Variants in SLCO1B1 observed in about 807,000 individuals in gnomAD.
SLCO1B1 encodes the protein OATP-2.
A neutral mutation model predicts 70.1 loss-of-function variants in SLCO1B1; 81 were observed. The ratio of observed to expected loss-of-function variants is 1.16; its 90% CI spans 0.97 to 1.39. The LOEUF (loss-of-function observed/expected upper bound fraction) is 1.39. Among genes scored for constraint, SLCO1B1 ranks in the 40% most tolerant of loss-of-function variants. The probability of loss-of-function intolerance (pLI) is 0.00; values close to 1 mark genes in which losing one functional copy is unlikely to be tolerated. For missense variants in SLCO1B1, 895 were observed against 799.6 expected (o/e 1.12, Z -1.44); for synonymous variants, 283 against 271.5 (o/e 1.04, Z -0.42).
chr12:21,184,254 C>G (rs1299861550), intron 7 of SLCO1B1, among the ~76,000 whole-genome samples: 1 of 152,022 alleles, frequency 6.6e-6, no homozygotes, highest in Admixed American at 6.6e-5. Context: ...ACAGAGAACC[C>G]CTTTGAGATG....
At chr12:21,181,751 G>T (rs543220125) in intron 7 of SLCO1B1, among the ~76,000 whole-genome samples, 43 of 152,060 alleles carry the variant, frequency 2.8e-4, no homozygotes, top group Non-Finnish European at 5.6e-4. Flanking sequence ...TTTAAATTAT[G>T]CTCGTCCACT....
At chr12:21,157,596 TA>T (rs1301005157) in intron 2 of SLCO1B1, among the ~76,000 whole-genome samples, 5 of 145,320 alleles carry the variant, frequency 3.4e-5, no homozygotes, top group African/African-American at 1.3e-4. Flanking sequence ...ATTAAGACTG[TA>T]AAATTTTTTT....
intron 14 of SLCO1B1, among the ~76,000 whole-genome samples, chr12:21,228,423 C>G (rs1374087391): frequency 6.6e-6 from 1 of 152,128 alleles, no homozygotes; most frequent in East Asian, 1.9e-4. Flanking sequence ...TGTCTGTTTT[C>G]TTGTTCCTTT....
chr12:21,149,036 G>T (rs1940430341), intron 2 of SLCO1B1, among the ~76,000 whole-genome samples: 1 of 152,014 alleles, frequency 6.6e-6, no homozygotes, highest in South Asian at 2.1e-4. Flanking sequence ...TCTATTATTG[G>T]TGTATAGGAA....
At chr12:21,220,045 G>C (rs1405942066) in intron 12 of SLCO1B1, among the ~76,000 whole-genome samples, 2 of 152,198 alleles carry the variant, frequency 1.3e-5, no homozygotes, top group African/African-American at 2.4e-5. Context: ...ACAGGCCTGA[G>C]CCACAGCACC....
At chr12:21,155,569 C>T (rs1940532185) in intron 2 of SLCO1B1, among the ~76,000 whole-genome samples, 1 of 152,068 alleles carries the variant, frequency 6.6e-6, no homozygotes, top group African/African-American at 2.4e-5. Context: ...CACTATTTTG[C>T]CCTGAAGTCA....
chr12:21,209,458 C>T (rs11519272), intron 11 of SLCO1B1, among the ~76,000 whole-genome samples: 5 of 151,882 alleles, frequency 3.3e-5, no homozygotes, highest in African/African-American at 9.7e-5. Context: ...CAGTCTATCA[C>T]TGTTGGACAT....
At chr12:21,182,883 A>C (rs909521937) in intron 7 of SLCO1B1, among the ~76,000 whole-genome samples, 1 of 152,160 alleles carries the variant, frequency 6.6e-6, no homozygotes, top group Non-Finnish European at 1.5e-5. Flanking sequence ...GACATGCCTC[A>C]TTTCATAGGC....
chr12:21,230,191 C>A (rs890672477), intron 14 of SLCO1B1, among the ~76,000 whole-genome samples: 4 of 151,994 alleles, frequency 2.6e-5, no homozygotes, highest in African/African-American at 4.8e-5. Flanking sequence ...GAATGTTGAA[C>A]CAGTCTTGGA....
At chr12:21,187,484 T>G (rs1940976247) in intron 7 of SLCO1B1, among the ~76,000 whole-genome samples, 1 of 152,112 alleles carries the variant, frequency 6.6e-6, no homozygotes, top group African/African-American at 2.4e-5. Context: ...TGTAGTGATC[T>G]ATTTCTTCCA....
At chr12:21,186,886 T>C (rs1385969612) in intron 7 of SLCO1B1, among the ~76,000 whole-genome samples, 1 of 152,144 alleles carries the variant, frequency 6.6e-6, no homozygotes, top group Middle Eastern at 3.4e-3. Context: ...CAAAGGAAGG[T>C]GAGGGATCTA....
Position 21,172,658 on chromosome 12 carries a change from G to A in SLCO1B1, c.93G>A (p.Leu31=). The A allele has an allele frequency of 6.2e-7, 1 of 1,613,612 alleles. No individual in the cohort carries two copies. The highest frequency in any genetic ancestry group is 8.5e-7 in the Non-Finnish European group (1 of 1,179,864). Residue 31 remains leucine (L), a synonymous_variant, in exon 3 of 15, where the codon TTG becomes TTA. Transcript: ENST00000256958. ...CTTCTGATTTTTCTTAGATGTTCTT[G>A]GCAGCTCTGTCACTCAGCTTTATTG... is the stretch of plus-strand genomic sequence containing the variant. ...TRYCNGLKMF[L]AALSLSFIAK... is the part of the protein sequence containing the mutation.
chr12:21,168,944 T>G (rs1039735355), intron 2 of SLCO1B1, among the ~76,000 whole-genome samples: 1 of 152,104 alleles, frequency 6.6e-6, no homozygotes, highest in East Asian at 1.9e-4. Flanking sequence ...TTTTAAAAAT[T>G]GCCAAATTGA....
At chr12:21,172,513 G>T in intron 2 of SLCO1B1, 137 bp from the exon 3 acceptor site, 1 of 958,266 alleles carries the variant, frequency 1.0e-6, no homozygotes, top group East Asian at 2.5e-5. Context: ...CTGGTAAAAG[G>T]GAAAACTAAG....
chr12:21,187,463 A>T (rs75066590), intron 7 of SLCO1B1, among the ~76,000 whole-genome samples: 1 of 152,112 alleles, frequency 6.6e-6, no homozygotes, highest in Admixed American at 6.6e-5. Context: ...TAAGTTCAAC[A>T]TCAAAGGCAT....
At chr12:21,132,523 C>T (rs1217489954) in intron 1 of SLCO1B1, among the ~76,000 whole-genome samples, 1 of 152,142 alleles carries the variant, frequency 6.6e-6, no homozygotes, top group Admixed American at 6.5e-5. Context: ...TTAATGATCG[C>T]TATTCTAACT....
chr12:21,152,441 T>A (rs906201396), intron 2 of SLCO1B1, among the ~76,000 whole-genome samples: 1 of 149,360 alleles, frequency 6.7e-6, no homozygotes, highest in African/African-American at 2.4e-5. Context: ...TGGTAATATA[T>A]TCTGGATATC....
chr12:21,146,857 T>A (rs1435337512), intron 2 of SLCO1B1, among the ~76,000 whole-genome samples: 1 of 152,184 alleles, frequency 6.6e-6, no homozygotes, highest in Non-Finnish European at 1.5e-5. Flanking sequence ...TATATATTGG[T>A]GAATATTCCA....
intron 10 of SLCO1B1, 39 bp downstream of exon 10, chr12:21,202,725 A>C (rs1941173312): frequency 6.8e-7 from 1 of 1,479,542 alleles, no homozygotes; most frequent in Admixed American, 1.7e-5. Flanking sequence ...TAATATGTTA[A>C]CCATCAAATT....
Sources: gnomAD v4.1 joint callset for allele counts (sites outside exome capture counted in the v4.1 genomes callset) on GRCh38, gnomAD v4.1.1 for gene constraint, MANE v1.5 for transcripts, NCBI Gene and HGNC (gene_info 2026-07-23, HGNC 2026-07-21) for gene names.